The following PPARD variants were observed in gnomAD, a reference collection of about 807,000 sequenced individuals.
PPARD encodes peroxisome proliferator activated receptor delta.
In PPARD, 6 loss-of-function variants were observed where a neutral mutation model predicts 39.5. The ratio of observed to expected loss-of-function variants is 0.15; its 90% CI spans 0.08 to 0.30. The LOEUF (loss-of-function observed/expected upper bound fraction) is 0.30, where lower values mean the gene tolerates loss of function less well. PPARD is among the 10% of genes least tolerant of loss of function. The probability of loss-of-function intolerance (pLI) is 1.00; values close to 1 mark genes in which losing one functional copy is unlikely to be tolerated. For synonymous variants in PPARD, 210 were observed against 231.3 expected (o/e 0.91, Z 0.83); for missense variants, 397 against 596.8 (o/e 0.67, Z 3.49).
At chr6:35,368,500 T>C (rs1762319533) in intron 2 of PPARD, among the ~76,000 whole-genome samples, 1 of 152,222 alleles carries the variant, frequency 6.6e-6, no homozygotes, top group African/African-American at 2.4e-5. Flanking sequence ...CTCATGCCTA[T>C]TGAATTAGAA....
intron 2 of PPARD, among the ~76,000 whole-genome samples, chr6:35,389,960 G>A (rs1315580114): frequency 6.6e-5 from 10 of 152,116 alleles, no homozygotes; most frequent in African/African-American, 1.2e-4. Flanking sequence ...GCAGAACCCC[G>A]GGCCTCAAAA....
intron 2 of PPARD, among the ~76,000 whole-genome samples, chr6:35,365,425 C>T (rs1762160937): frequency 4.0e-5 from 6 of 150,994 alleles, no homozygotes; most frequent in Admixed American, 3.9e-4. Context: ...CAGGTGTGAG[C>T]CACCACGCCC....
intron 4 of PPARD, among the ~76,000 whole-genome samples, chr6:35,420,518 G>A (rs1361724870): frequency 1.3e-5 from 2 of 152,210 alleles, no homozygotes; most frequent in African/African-American, 4.8e-5. Context: ...CCAGCTCTGT[G>A]GGTGATTGTG....
chr6:35,352,832 T>G (rs1451774144), intron 2 of PPARD, among the ~76,000 whole-genome samples: 1 of 152,182 alleles, frequency 6.6e-6, no homozygotes, highest in Non-Finnish European at 1.5e-5. Flanking sequence ...ATTCCCAAAA[T>G]GAATGTATTG....
chr6:35,424,203 C>A lies in PPARD; in HGVS notation c.627+55C>A. 6.2e-7 allele frequency: 1 copy of A among 1,602,044 alleles called. No homozygotes were observed. Among genetic ancestry groups the A allele is most frequent in the Non-Finnish European group, 8.5e-7 (1 of 1,174,026 alleles). ...CATCCTGGGCTCTGGGTCCCACTGCCGCCTGCCTGACTCCGGGAGAGCCAG... is the reference window on the plus strand; with the variant it reads ...CATCCTGGGCTCTGGGTCCCACTGCAGCCTGCCTGACTCCGGGAGAGCCAG... On this transcript the variant is annotated intron_variant, in intron 6 of 7. Coordinates refer to ENST00000360694, the MANE Select transcript of PPARD (RefSeq NM_006238.5). This position sits in a 1 kb window ranked among gnomAD's most constrained non-coding sequence, Gnocchi z 7.1.
At position 35,366,500 on chromosome 6, in the gene PPARD, T is replaced by G. The variant is rs1762215314; in HGVS notation, c.-102+19350T>G. On this transcript the variant is annotated intron_variant, in intron 2 of 7. Coordinates refer to ENST00000360694, the MANE Select transcript of PPARD (RefSeq NM_006238.5). This position sits in a 1 kb window ranked among gnomAD's most constrained non-coding sequence, Gnocchi z 4.6. ...GAGATACACAGGCAGAGGCCTAGAT[T>G]AGGAGATGGCTATAGTAGTACAGGT... Among the ~76,000 whole-genome samples the G allele has an allele frequency of 6.6e-6, 1 of 151,400 alleles. No homozygotes were observed. The highest frequency in any genetic ancestry group is 1.5e-5 in the Non-Finnish European group (1 of 67,988).
intron 2 of PPARD, among the ~76,000 whole-genome samples, chr6:35,406,867 G>C (rs1765086308): frequency 6.6e-6 from 1 of 152,196 alleles, no homozygotes; most frequent in Non-Finnish European, 1.5e-5. Context: ...CAGCTGTCAG[G>C]GCCTGGCCCG....
At chr6:35,418,749 A>T (rs1765946569) in intron 3 of PPARD, among the ~76,000 whole-genome samples, 2 of 152,202 alleles carry the variant, frequency 1.3e-5, no homozygotes, top group South Asian at 4.1e-4. Flanking sequence ...CTAAGGTGCC[A>T]GGACAAGACA....
intron 2 of PPARD, among the ~76,000 whole-genome samples, chr6:35,356,645 G>A (rs1169536099): frequency 6.6e-6 from 1 of 152,126 alleles, no homozygotes; most frequent in Non-Finnish European, 1.5e-5. Flanking sequence ...ATGTTGAGCA[G>A]CATCCCTGGC....
At chr6:35,399,223 A>C (rs1764535603) in intron 2 of PPARD, among the ~76,000 whole-genome samples, 1 of 151,986 alleles carries the variant, frequency 6.6e-6, no homozygotes, top group Admixed American at 6.6e-5. Context: ...AACGTGGTGA[A>C]ACTCCATCTC....
intron 2 of PPARD, among the ~76,000 whole-genome samples, chr6:35,403,089 C>T (rs905504844): frequency 3.3e-5 from 5 of 152,186 alleles, no homozygotes; most frequent in African/African-American, 1.2e-4. Context: ...TAGGGGGCTC[C>T]CTGCCGGTTC....
Position 35,421,909 on chromosome 6 carries a change from C to G in PPARD, c.375C>G (p.Cys125Trp), listed in dbSNP as rs1766197020. The G allele has an allele frequency of 6.2e-7, 1 of 1,613,968 alleles. No homozygotes were observed. Among genetic ancestry groups the G allele is most frequent in the Non-Finnish European group, 8.5e-7 (1 of 1,179,888 alleles). The part of the protein sequence containing the change: ...CKIQKKNRNK[C>W]QYCRFQKCLA... ...TTCAGAAGAAGAACCGCAACAAGTGCCAGTACTGCCGCTTCCAGAAGTGCC... is the reference window on the plus strand; with the variant it reads ...TTCAGAAGAAGAACCGCAACAAGTGGCAGTACTGCCGCTTCCAGAAGTGCC... Residue 125 changes from cysteine to tryptophan, a missense_variant, in exon 5 of 8, where the codon TGC becomes TGG. Cys to Trp is a radical substitution (Grantham distance 215, BLOSUM62 -2). Coordinates refer to ENST00000360694, the MANE Select transcript of PPARD (RefSeq NM_006238.5).
rs1042393491 is a variant in PPARD, at chr6:35,363,810, A to G, written c.-102+16660A>G. Among the ~76,000 whole-genome samples, 2 of 152,156 alleles carry G rather than the reference A, an allele frequency of 1.3e-5. No homozygotes were observed. Among genetic ancestry groups the G allele is most frequent in the Admixed American group, 6.5e-5 (1 of 15,270 alleles). On this transcript the variant is annotated intron_variant, in intron 2 of 7. Coordinates refer to ENST00000360694, the MANE Select transcript of PPARD (RefSeq NM_006238.5). This position sits in a 1 kb window ranked among gnomAD's most constrained non-coding sequence, Gnocchi z 4.5. ...ATGTGAGCAGTTTATTTTATTTTATATTCTACATATTTTTATAGCATAAAA... is the reference window on the plus strand; with the variant it reads ...ATGTGAGCAGTTTATTTTATTTTATGTTCTACATATTTTTATAGCATAAAA...
rs56317397 is a variant in PPARD at position 35,423,054 on chromosome 6, CAAAAAAAAAA to C, written c.425-875_425-866del. Among the ~76,000 whole-genome samples, 540 of 71,728 alleles carry C rather than the reference CAAAAAAAAAA, an allele frequency of 7.5e-3. 1 individual carries two copies. Among genetic ancestry groups the C allele is most frequent in the Middle Eastern group, 0.013 (1 of 80 alleles). 47.1% of individuals were successfully genotyped at this position (71,728 alleles called of 152,430 possible). The stretch of plus-strand genomic sequence containing the variant: ...GCAACATAGTGAGACCTCATCTCTA[CAAAAAAAAAA>C]AAAAAAAAAAAAAAAATTTAGCCAG... On this transcript the variant is annotated intron_variant, in intron 5 of 7. Transcript: ENST00000360694.
At chr6:35,420,096 G>A in intron 3 of PPARD, 31 bp from the exon 4 acceptor site, 1 of 1,603,760 alleles carries the variant, frequency 6.2e-7, no homozygotes, top group Non-Finnish European at 8.5e-7. Context: ...CTGGCAGCAT[G>A]TGGAGCTGCC....
chr6:35,402,834 T>C (rs1480204598), intron 2 of PPARD, among the ~76,000 whole-genome samples: 1 of 152,152 alleles, frequency 6.6e-6, no homozygotes, highest in Non-Finnish European at 1.5e-5. Flanking sequence ...CTTGGATTAA[T>C]GATTGATAAG....
intron 2 of PPARD, among the ~76,000 whole-genome samples, chr6:35,369,518 A>G (rs930203190): frequency 6.6e-6 from 1 of 152,242 alleles, no homozygotes; most frequent in Non-Finnish European, 1.5e-5. Context: ...CTCTACGTAC[A>G]GATTTACCTG....
At chr6:35,358,267 C>T (rs577826935) in intron 2 of PPARD, among the ~76,000 whole-genome samples, 61 of 152,238 alleles carry the variant, frequency 4.0e-4, no homozygotes, top group Non-Finnish European at 7.1e-4. Flanking sequence ...AAAAATGCAA[C>T]GAACGTAGCT....
At chr6:35,374,175 A>G (rs1363650231) in intron 2 of PPARD, among the ~76,000 whole-genome samples, 1 of 151,900 alleles carries the variant, frequency 6.6e-6, no homozygotes, top group Non-Finnish European at 1.5e-5. Flanking sequence ...TGTACATGGG[A>G]CCTGAACCGG....
Sources: gnomAD v4.1 joint callset for allele counts (sites outside exome capture counted in the v4.1 genomes callset) on GRCh38, gnomAD v4.1.1 for gene constraint, Gnocchi (gnomAD v3.1) non-coding constraint, MANE v1.5 for transcripts, NCBI Gene and HGNC (gene_info 2026-07-23, HGNC 2026-07-21) for gene names.